PARD3B: variants seen among roughly 807,000 people sequenced by gnomAD.
PARD3B encodes par-3 family cell polarity regulator beta.
Under a neutral mutation model 130.2 loss-of-function variants are expected in PARD3B, and 103 were observed. The ratio of observed to expected loss-of-function variants is 0.79; its 90% CI spans 0.67 to 0.93. PARD3B has a LOEUF of 0.93. Ranked by LOEUF, PARD3B falls within the 40% of genes least tolerant of loss-of-function variation. The pLI is 0.00. For synonymous variants in PARD3B, 583 were observed against 553.2 expected, an observed-to-expected ratio of 1.05 and a Z score of -0.76; for missense variants, 1,609 against 1,499.2, an observed-to-expected ratio of 1.07 and a Z score of -1.21.
chr2:205,092,208 T>C (rs1702151804), intron 4 of PARD3B, among the ~76,000 whole-genome samples: 1 of 151,938 alleles, frequency 6.6e-6, no homozygotes, highest in South Asian at 2.1e-4. Flanking sequence ...CAAGAGGAAG[T>C]GCTGAAGGAC....
intron 22 of PARD3B, among the ~76,000 whole-genome samples, chr2:205,603,313 G>C (rs551310163): frequency 6.6e-6 from 1 of 152,284 alleles, no homozygotes; most frequent in South Asian, 2.1e-4. Context: ...TCACCAAAAA[G>C]AATGTATATT....
intron 15 of PARD3B, among the ~76,000 whole-genome samples, chr2:205,232,556 C>T (rs1397771563): frequency 6.6e-6 from 1 of 151,892 alleles, no homozygotes; most frequent in African/African-American, 2.4e-5. Flanking sequence ...AGAAATAAGA[C>T]ATATAATAAG....
intron 16 of PARD3B, among the ~76,000 whole-genome samples, chr2:205,270,925 A>C (rs968852845): frequency 2.0e-5 from 3 of 152,138 alleles, no homozygotes; most frequent in African/African-American, 7.2e-5. Flanking sequence ...CCTGGCCTCA[A>C]AGGCTAGGAA....
chr2:204,646,395 C>G (rs530188030), intron 1 of PARD3B, among the ~76,000 whole-genome samples: 4 of 152,096 alleles, frequency 2.6e-5, no homozygotes, highest in South Asian at 4.1e-4. Flanking sequence ...TGTACTCATA[C>G]AGTGTTGTGT....
At chr2:204,574,776 T>G (rs1171977918) in intron 1 of PARD3B, among the ~76,000 whole-genome samples, 1 of 152,160 alleles carries the variant, frequency 6.6e-6, no homozygotes, top group Non-Finnish European at 1.5e-5. Flanking sequence ...CATGTCTGTG[T>G]TTCTCAAGCA....
At chr2:205,224,370 C>CAAAAAAAAAAAAAAAAAAAAAAAAAA (rs1231030778) in intron 15 of PARD3B, among the ~76,000 whole-genome samples, 1 of 55,998 alleles carries the variant, frequency 1.8e-5, no homozygotes, top group Non-Finnish European at 2.9e-5. Flanking sequence ...GACTCCGTCT[C>CAAAAAAAAAAAAAAAAAAAAAAAAAA]AAAAAAAAAA....
chr2:205,523,520 T>C (rs988591191), intron 21 of PARD3B, among the ~76,000 whole-genome samples: 2 of 151,992 alleles, frequency 1.3e-5, no homozygotes, highest in Non-Finnish European at 2.9e-5. Context: ...TTATAAATAT[T>C]ATTTAGCCTA....
At chr2:204,563,671 A>G (rs780920693) in intron 1 of PARD3B, among the ~76,000 whole-genome samples, 1 of 152,180 alleles carries the variant, frequency 6.6e-6, no homozygotes, top group Admixed American at 6.5e-5. Flanking sequence ...CCATGTAAAC[A>G]TTTTGGTATC....
intron 4 of PARD3B, among the ~76,000 whole-genome samples, chr2:205,070,428 G>T (rs1411301020): frequency 6.6e-6 from 1 of 151,610 alleles, no homozygotes; most frequent in Non-Finnish European, 1.5e-5. Context: ...CTTTGTTCAT[G>T]ACATTGACTT....
intron 21 of PARD3B, among the ~76,000 whole-genome samples, chr2:205,519,701 T>C (rs1191767946): frequency 6.6e-6 from 1 of 152,218 alleles, no homozygotes; most frequent in Admixed American, 6.5e-5. Flanking sequence ...TTCTTATCTT[T>C]ACATGTGGGT....
intron 2 of PARD3B, among the ~76,000 whole-genome samples, chr2:204,934,947 T>C (rs1294567458): frequency 6.6e-6 from 1 of 152,144 alleles, no homozygotes; most frequent in Non-Finnish European, 1.5e-5. Context: ...TGAGCACAGA[T>C]TTATTGACAA....
chr2:204,565,131 C>A (rs755492574), intron 1 of PARD3B, among the ~76,000 whole-genome samples: 1 of 152,178 alleles, frequency 6.6e-6, no homozygotes, highest in East Asian at 1.9e-4. Flanking sequence ...TGGCTACTAG[C>A]TAGAGGCCAC....
chr2:205,510,734 G>A (rs939243908), intron 21 of PARD3B, among the ~76,000 whole-genome samples: 20 of 152,182 alleles, frequency 1.3e-4, no homozygotes, highest in South Asian at 2.1e-4. Flanking sequence ...CCAGTTAAGC[G>A]CTTAAAATAG....
In PARD3B at chr2:205,157,383, G is replaced by A. The variant is rs192577743; in HGVS notation, c.1435-1339G>A. Among the ~76,000 whole-genome samples, 563 of 152,256 alleles carry A rather than the reference G, an allele frequency of 3.7e-3. 4 individuals carry two copies. The highest frequency in any genetic ancestry group is 5.5e-3 in the Non-Finnish European group (377 of 68,006). ...TGTAATAGATTTATTAAGCCATAAA[G>A]TTTCATTTCTTTGAACAACATATTG... On this transcript the variant is annotated intron_variant, in intron 10 of 22. Coordinates refer to ENST00000406610, the MANE Select transcript of PARD3B (RefSeq NM_001302769.2).
At chr2:204,793,811 T>C (rs750059293) in intron 2 of PARD3B, among the ~76,000 whole-genome samples, 5 of 152,156 alleles carry the variant, frequency 3.3e-5, no homozygotes, top group Non-Finnish European at 7.4e-5. Flanking sequence ...CCGGCCATCA[T>C]TGACCTTTTT....
At chr2:204,553,512 C>G (rs1178879609) in intron 1 of PARD3B, among the ~76,000 whole-genome samples, 1 of 148,704 alleles carries the variant, frequency 6.7e-6, no homozygotes, top group Non-Finnish European at 1.5e-5. Flanking sequence ...GCCCACCAGT[C>G]AACGAGTGGG....
Position 205,460,285 on chromosome 2 carries a change from G to T in PARD3B, c.3044+19613G>T, listed in dbSNP as rs1330672893. On this transcript the variant is annotated intron_variant, in intron 20 of 22. Transcript: ENST00000406610. This position sits in a 1 kb window ranked among gnomAD's most constrained non-coding sequence, Gnocchi z 4.9. ...ACTGGGTCATTTTTTTTCTGAGAGG[G>T]TATTTCTCTAAACTATATCAGATAA... 6.6e-6 allele frequency among the ~76,000 whole-genome samples: 1 copy of T among 151,992 alleles called. No individual in the cohort carries two copies. The highest frequency in any genetic ancestry group is 1.9e-4 in the East Asian group (1 of 5,184).
chr2:204,710,752 G>C (rs1355739453), intron 2 of PARD3B, among the ~76,000 whole-genome samples: 1 of 152,134 alleles, frequency 6.6e-6, no homozygotes, highest in African/African-American at 2.4e-5. Context: ...CTCTGTGTTG[G>C]GGTCCTGGAA....
chr2:205,510,314 A>G (rs753419887), intron 21 of PARD3B, among the ~76,000 whole-genome samples: 2 of 152,202 alleles, frequency 1.3e-5, no homozygotes, highest in South Asian at 2.1e-4. Context: ...AACACATTCA[A>G]TTGGCCAGAC....
Sources: allele counts gnomAD v4.1 joint callset (sites outside exome capture counted in the v4.1 genomes callset), GRCh38; gene constraint gnomAD v4.1.1; non-coding constraint Gnocchi (gnomAD v3.1); transcripts MANE v1.5; gene names NCBI Gene and HGNC (gene_info 2026-07-23, HGNC 2026-07-21).